Variants in MAP3K14 observed in about 807,000 individuals in gnomAD.
MAP3K14 encodes the protein mitogen-activated protein kinase kinase kinase 14, also known as NF-kappa-beta-inducing kinase.
MAP3K14 carries 16 observed loss-of-function variants against 99.2 expected under a neutral mutation model. The ratio of observed to expected loss-of-function variants is 0.16; its 90% CI spans 0.11 to 0.24. The LOEUF is 0.24. Among genes scored for constraint, MAP3K14 ranks in the 10% least tolerant of loss-of-function variants. The probability of loss-of-function intolerance (pLI) is 1.00; values close to 1 mark genes in which losing one functional copy is unlikely to be tolerated. For synonymous variants in MAP3K14, 462 were observed against 492.4 expected (o/e 0.94, Z 0.82); for missense variants, 784 against 1,208.7 (o/e 0.65, Z 5.21).
intron 1 of MAP3K14, among the ~76,000 whole-genome samples, chr17:45,303,241 A>T (rs1422527594): frequency 6.6e-6 from 1 of 152,208 alleles, no homozygotes; most frequent in Non-Finnish European, 1.5e-5. Context: ...TGCCTTTCTT[A>T]TATGTGATCT....
chr17:45,312,553 T>G (rs759163015), intron 1 of MAP3K14, among the ~76,000 whole-genome samples: 5 of 152,216 alleles, frequency 3.3e-5, no homozygotes, highest in Non-Finnish European at 7.3e-5. Flanking sequence ...GAAACTTTTT[T>G]TTTCCCTTGT....
Position 45,267,295 on chromosome 17 carries a change from T to C in MAP3K14, c.2327-97A>G. The C allele has an allele frequency of 7.1e-7, 1 of 1,405,116 alleles. No homozygotes were observed. Among genetic ancestry groups the C allele is most frequent in the Non-Finnish European group, 9.9e-7 (1 of 1,015,036 alleles). 87.0% of individuals were successfully genotyped at this position (1,405,116 alleles called of 1,614,324 possible). The stretch of plus-strand genomic sequence containing the variant: ...GCACAGTCGGTAGAAGCTGAGCTGC[T>C]GGGGAAGGGGCTGGAAGAAAGCCCA... On this transcript the variant is annotated intron_variant, in intron 12 of 15. Coordinates refer to ENST00000344686, the MANE Select transcript of MAP3K14 (RefSeq NM_003954.5). This position sits in a 1 kb window ranked among gnomAD's most constrained non-coding sequence, Gnocchi z 5.1.
At chr17:45,312,766 G>T (rs1162501834) in intron 1 of MAP3K14, among the ~76,000 whole-genome samples, 1 of 152,150 alleles carries the variant, frequency 6.6e-6, no homozygotes, top group Non-Finnish European at 1.5e-5. Context: ...TGGGCCCCCA[G>T]ACAGAGTCTC....
intron 6 of MAP3K14, among the ~76,000 whole-genome samples, chr17:45,278,241 C>A (rs1275844183): frequency 1.3e-5 from 2 of 152,168 alleles, no homozygotes; most frequent in Non-Finnish European, 2.9e-5. Flanking sequence ...ACCACCCAGA[C>A]CAAAGAGGTG....
chr17:45,308,735 A>G (rs965795665), intron 1 of MAP3K14, among the ~76,000 whole-genome samples: 8 of 150,174 alleles, frequency 5.3e-5, no homozygotes, highest in Non-Finnish European at 8.9e-5. Flanking sequence ...TGGTGCGATC[A>G]TGGCTCATTG....
At chr17:45,270,642 T>C (rs1208555830) in intron 10 of MAP3K14, 79 bp from the exon 11 acceptor site, 1 of 1,444,384 alleles carries the variant, frequency 6.9e-7, no homozygotes, top group Non-Finnish European at 9.1e-7. Context: ...TTTGCGCAAC[T>C]CCCGCCGGCC....
intron 6 of MAP3K14, among the ~76,000 whole-genome samples, chr17:45,279,988 C>A (rs1294585955): frequency 6.6e-6 from 1 of 152,204 alleles, no homozygotes; most frequent in Non-Finnish European, 1.5e-5. Context: ...ATATAAATGT[C>A]TATCCCCCAT....
At chr17:45,294,962 G>A (rs2044336547) in intron 1 of MAP3K14, among the ~76,000 whole-genome samples, 1 of 152,254 alleles carries the variant, frequency 6.6e-6, no homozygotes, top group Non-Finnish European at 1.5e-5. Context: ...CTATTGGACA[G>A]TGCTGTTCTG....
chr17:45,296,590 T>C (rs2044348186), intron 1 of MAP3K14, among the ~76,000 whole-genome samples: 1 of 152,154 alleles, frequency 6.6e-6, no homozygotes, highest in Non-Finnish European at 1.5e-5. Flanking sequence ...CAGAGCAAGC[T>C]GGCCTGGCAA....
intron 1 of MAP3K14, among the ~76,000 whole-genome samples, chr17:45,313,894 CCTGT>C (rs1237999334): frequency 4.6e-5 from 7 of 152,162 alleles, no homozygotes; most frequent in Admixed American, 6.5e-5. Flanking sequence ...TCTGAGCAAT[CCTGT>C]CTGTTTCTCC....
rs879414814 is a variant in MAP3K14, at chr17:45,276,807, C to A, written c.1291-2214G>T. On this transcript the variant is annotated intron_variant, in intron 6 of 15. Coordinates refer to ENST00000344686, the MANE Select transcript of MAP3K14 (RefSeq NM_003954.5). ...GGATTACAGGCGTGAGCCACTGTGC[C>A]CGGCCTCTTAGACTTCTTTTTTTTT... Among the ~76,000 whole-genome samples, 262 of 135,766 alleles carry A rather than the reference C, an allele frequency of 1.9e-3. No homozygotes were observed. The Middle Eastern group carries it at 0.038, about 20-fold the overall frequency. The allele number at this position is 135,766 out of a possible 152,430, so 89.1% of individuals were successfully genotyped here.
At chr17:45,293,007 G>A (rs2044322381) in intron 1 of MAP3K14, among the ~76,000 whole-genome samples, 1 of 152,170 alleles carries the variant, frequency 6.6e-6, no homozygotes, top group Non-Finnish European at 1.5e-5. Flanking sequence ...GCACACTAAG[G>A]TCCTCCCTGG....
Position 45,270,857 on chromosome 17 carries a change from A to T in MAP3K14, c.1821+201T>A. The stretch of plus-strand genomic sequence containing the variant: ...GGACAGAAGAGAGTTCTCACCTGCC[A>T]TGAACTTGGTGAGCCTCCGCAGCTG... On this transcript the variant is annotated intron_variant, in intron 10 of 15. Transcript: ENST00000344686. The T allele has an allele frequency of 4.8e-6, 4 of 828,552 alleles. No homozygotes were observed. In the South Asian group the frequency reaches 6.0e-5, roughly 12 times the overall value. The allele number at this position is 828,552 out of a possible 1,614,324, so 51.3% of individuals were successfully genotyped here. A position where few individuals can be genotyped will look rare whatever the true frequency, so the allele number is the denominator to read the frequency against.
chr17:45,288,844 G>A (rs2044288738), intron 3 of MAP3K14, among the ~76,000 whole-genome samples: 1 of 152,094 alleles, frequency 6.6e-6, no homozygotes, highest in South Asian at 2.1e-4. Context: ...GGCACCAGCA[G>A]GTTTCTCCCA....
rs772099209 is a variant in MAP3K14, at chr17:45,287,022, G to T, written c.561C>A (p.Ala187=). The change falls in exon 5 of 16, where the codon GCC becomes GCA. Residue 187 remains alanine, a synonymous_variant. Coordinates refer to ENST00000344686, the MANE Select transcript of MAP3K14 (RefSeq NM_003954.5). ...PVQEDESPLG[A]PYVRNTPQFT... ...ACTGCGGGGTGTTTCTAACATATGGGGCGCCGAGTGGAGACTCATCCTCCT... is the reference window on the plus strand; with the variant it reads ...ACTGCGGGGTGTTTCTAACATATGGTGCGCCGAGTGGAGACTCATCCTCCT... The T allele has an allele frequency of 4.3e-6, 7 of 1,612,568 alleles. No individual in the cohort carries two copies. The highest frequency in any genetic ancestry group is 5.1e-6 in the Non-Finnish European group (6 of 1,178,830).
chr17:45,287,103 A>G (rs1033025896), intron 4 of MAP3K14, 51 bp downstream of exon 4: 7 of 1,602,004 alleles, frequency 4.4e-6, no homozygotes, highest in Admixed American at 1.7e-5. Context: ...ACAGGCTCCA[A>G]TTTCAAGGCC....
At position 45,272,343 on chromosome 17, in the gene MAP3K14, A is replaced by C. The variant is rs2044147643; in HGVS notation, c.1658-1122T>G. On this transcript the variant is annotated intron_variant, in intron 9 of 15. Transcript: ENST00000344686. This position sits in a 1 kb window ranked among gnomAD's most constrained non-coding sequence, Gnocchi z 4.1. ...TCTGTCTCTAAAAAATAAAAGTTAA[A>C]AAGAATCAGAAAAGATACATTTTTT... Among the ~76,000 whole-genome samples, 1 of 151,562 alleles carries C rather than the reference A, an allele frequency of 6.6e-6. No individual in the cohort carries two copies. The highest frequency in any genetic ancestry group is 2.1e-4 in the South Asian group (1 of 4,798).
intron 10 of MAP3K14, chr17:45,270,835 C>A (rs2044137330): frequency 3.8e-6 from 3 of 781,518 alleles, no homozygotes; most frequent in Admixed American, 2.6e-5. Context: ...AGGGTATGGA[C>A]AGAAGAGAGT....
chr17:45,267,631 G>A lies in MAP3K14; in HGVS notation c.2101C>T (p.Arg701Trp), dbSNP rs1032715573. The change falls in exon 12 of 16, where the codon CGG becomes TGG. Residue 701 changes from arginine (R) to tryptophan (W), a missense_variant. Around this residue, in one of 5 missense-constraint regions of MAP3K14, gnomAD observed 128 missense variants for 143.3 expected, o/e 0.89. Coordinates refer to ENST00000344686, the MANE Select transcript of MAP3K14 (RefSeq NM_003954.5). The surrounding 1 kb of genome is among the most constrained non-coding windows in gnomAD (Gnocchi z 5.1). ...RELSPRAPGPRPAEETTGRAP... is the reference protein window; with the variant it reads ...RELSPRAPGPWPAEETTGRAP... ...CTGCCTGTTGTCTCCTCAGCTGGCC[G>A]GGGCCCTGGGGCCCTTGGCGAAAGC... 4.3e-6 allele frequency: 7 copies of A among 1,613,016 alleles called. No homozygotes were observed. Among genetic ancestry groups the A allele is most frequent in the Admixed American group, 1.7e-5 (1 of 59,582 alleles).
Sources: allele counts gnomAD v4.1 joint callset (sites outside exome capture counted in the v4.1 genomes callset), GRCh38; gene constraint gnomAD v4.1.1; regional missense constraint gnomAD v4.1.1; non-coding constraint Gnocchi (gnomAD v3.1); transcripts MANE v1.5; gene names NCBI Gene and HGNC (gene_info 2026-07-23, HGNC 2026-07-21).